COPG2: variants seen among roughly 807,000 people sequenced by gnomAD.
The protein encoded by COPG2 is coatomer subunit gamma-2.
Under a neutral mutation model 46.3 loss-of-function variants are expected in COPG2, and 37 were observed. That is an observed-to-expected ratio of 0.80 (90% CI 0.61 to 1.05). The LOEUF (loss-of-function observed/expected upper bound fraction) is 1.05, where lower values mean the gene tolerates loss of function less well. Among genes scored for constraint, COPG2 ranks in the 50% least tolerant of loss-of-function variants. COPG2 has a pLI of 0.00. For missense variants in COPG2, 427 were observed against 387.8 expected (o/e 1.10, Z -0.85); for synonymous variants, 159 against 129.7 (o/e 1.23, Z -1.53).
At chr7:130,667,138 A>G (rs1796100834) in intron 2 of COPG2, among the ~76,000 whole-genome samples, 1 of 152,214 alleles carries the variant, frequency 6.6e-6, no homozygotes, top group South Asian at 2.1e-4. Flanking sequence ...GACTACTTCA[A>G]CTTTATGGGC....
chr7:130,619,929 T>A (rs1370004752), intron 5 of COPG2, among the ~76,000 whole-genome samples: 1 of 152,218 alleles, frequency 6.6e-6, no homozygotes, highest in African/African-American at 2.4e-5. Context: ...TTTTTCTCAC[T>A]TTTAAATGAC....
intron 9 of COPG2, among the ~76,000 whole-genome samples, chr7:130,589,675 G>A (rs1268161540): frequency 6.6e-6 from 1 of 152,104 alleles, no homozygotes; most frequent in African/African-American, 2.4e-5. Flanking sequence ...GAATACCCAT[G>A]TTCTAGCCAA....
intron 5 of COPG2, among the ~76,000 whole-genome samples, chr7:130,640,727 T>G (rs368780237): frequency 6.6e-6 from 1 of 152,078 alleles, no homozygotes; most frequent in African/African-American, 2.4e-5. Context: ...GACAGAAAGG[T>G]TTCTCAACAC....
rs895156128 is a variant in COPG2 at position 130,514,763 on chromosome 7, G to A, written c.2150-6104C>T. 1.1e-3 allele frequency among the ~76,000 whole-genome samples: 160 copies of A among 152,130 alleles called. 1 individual carries two copies. Among genetic ancestry groups the A allele is most frequent in the Non-Finnish European group, 1.5e-3 (103 of 68,004 alleles). On this transcript the variant is annotated intron_variant, in intron 20 of 23. Coordinates refer to ENST00000425248, the MANE Select transcript of COPG2 (RefSeq NM_012133.6). Reference sequence around the variant, plus strand: ...ATTTGGGCCAAAAGACATGAAGAGGGGTTAAAGCTAAGGGGAGCATTAAAT... The same window carrying A: ...ATTTGGGCCAAAAGACATGAAGAGGAGTTAAAGCTAAGGGGAGCATTAAAT...
chr7:130,626,324 A>C (rs1554454265), intron 5 of COPG2, among the ~76,000 whole-genome samples: 1 of 151,890 alleles, frequency 6.6e-6, no homozygotes, highest in East Asian at 1.9e-4. Flanking sequence ...GACCAGAGAC[A>C]TGCCAGCCCC....
In COPG2 at chr7:130,506,647, G is replaced by T. The variant is rs374885618; in HGVS notation, c.*29C>A. The T allele has an allele frequency of 3.9e-6, 3 of 772,532 alleles. No homozygotes were observed. The allele number at this position is 772,532 out of a possible 1,614,324, so 47.9% of individuals were successfully genotyped here. A position where few individuals can be genotyped will look rare whatever the true frequency, so the allele number is the denominator to read the frequency against. On this transcript the variant is annotated 3_prime_UTR_variant, in exon 24 of 24. Transcript: ENST00000425248. ...TAAAAGCCCACTGACCATGTAGTGTGCATCAGTTTCCTCTTGTCCAGTAAG... is the reference window on the plus strand; with the variant it reads ...TAAAAGCCCACTGACCATGTAGTGTTCATCAGTTTCCTCTTGTCCAGTAAG...
At position 130,547,855 on chromosome 7, in the gene COPG2, C is replaced by A; in HGVS notation, c.1978-10G>T. 2.5e-6 allele frequency: 1 copy of A among 398,740 alleles called. No individual in the cohort carries two copies. The highest frequency in any genetic ancestry group is 1.3e-4 in the South Asian group (1 of 7,832). The allele number at this position is 398,740 out of a possible 1,614,324, so 24.7% of individuals were successfully genotyped here. A position where few individuals can be genotyped will look rare whatever the true frequency, so the allele number is the denominator to read the frequency against. ...TGTTGGTGCAGTCAAACTGAAAAGTCAGTAAATGGAAAAGCTGTGAAGGAT... is the reference window on the plus strand; with the variant it reads ...TGTTGGTGCAGTCAAACTGAAAAGTAAGTAAATGGAAAAGCTGTGAAGGAT... On this transcript the variant is annotated splice_polypyrimidine_tract_variant and intron_variant, in intron 19 of 23. Transcript: ENST00000425248.
chr7:130,597,375 C>T (rs1794549952), intron 9 of COPG2, among the ~76,000 whole-genome samples: 1 of 152,178 alleles, frequency 6.6e-6, no homozygotes, highest in South Asian at 2.1e-4. Flanking sequence ...GAGGACCTAA[C>T]TAAAGTTATG....
chr7:130,628,534 C>G (rs1795162380), intron 5 of COPG2, among the ~76,000 whole-genome samples: 1 of 152,110 alleles, frequency 6.6e-6, no homozygotes, highest in East Asian at 1.9e-4. Context: ...AAACACATTA[C>G]ACTACTATTT....
At chr7:130,547,982 T>C (rs1361061122) in intron 19 of COPG2, 137 bp from the exon 20 acceptor site, 2 of 397,382 alleles carry the variant, frequency 5.0e-6, no homozygotes, top group African/African-American at 4.1e-5. Flanking sequence ...AGATTCTTCT[T>C]TTGGCAACAG....
chr7:130,653,766 C>T (rs1331990029), intron 4 of COPG2, among the ~76,000 whole-genome samples: 1 of 151,964 alleles, frequency 6.6e-6, no homozygotes, highest in Non-Finnish European at 1.5e-5. Context: ...GCTCCAGAGT[C>T]CAAGCTATGG....
intron 13 of COPG2, 121 bp downstream of exon 13, chr7:130,554,916 T>C (rs1291493511): frequency 1.3e-5 from 5 of 397,526 alleles, no homozygotes; most frequent in Non-Finnish European, 2.2e-5. Context: ...TAACCAGACT[T>C]AGTGTACTAC....
At chr7:130,549,838 T>C (rs972352919) in intron 17 of COPG2, among the ~76,000 whole-genome samples, 220 of 152,332 alleles carry the variant, frequency 1.4e-3, no homozygotes, top group African/African-American at 4.9e-3. Context: ...TTTGGGAATA[T>C]TTTTTATGAT....
Position 130,610,962 on chromosome 7 carries a change from G to T in COPG2, c.728C>A (p.Thr243Asn), listed in dbSNP as rs1554451974. 1.2e-6 allele frequency: 2 copies of T among 1,613,924 alleles called. No individual in the cohort carries two copies. Among genetic ancestry groups the T allele is most frequent in the South Asian group, 2.2e-5 (2 of 91,086 alleles). Residue 243 changes from threonine (T) to asparagine (N), a missense_variant, in exon 9 of 24, where the codon ACT becomes AAT. Transcript: ENST00000425248. ...AGGTGAAGACACTTACCCATCCTCA[G>T]TTTCTTTTAGTAAGCGACTGGCAAT... ...IRIASRLLKE[T>N]EDGHESPLFD...
intron 12 of COPG2, among the ~76,000 whole-genome samples, chr7:130,560,105 A>G (rs1158136797): frequency 6.6e-6 from 1 of 152,192 alleles, no homozygotes; most frequent in East Asian, 1.9e-4. Context: ...TTATTTATAT[A>G]GATAATCTCA....
Position 130,611,285 on chromosome 7 carries a change from G to A in COPG2, c.580-175C>T, listed in dbSNP as rs567660448. ...ACAGGCAAGACTGAAAAGATTAAACGTTTCTAATTTACCCCTAGAAGCTGT... is the reference window on the plus strand; with the variant it reads ...ACAGGCAAGACTGAAAAGATTAAACATTTCTAATTTACCCCTAGAAGCTGT... On this transcript the variant is annotated intron_variant, in intron 8 of 23. Transcript: ENST00000425248. Among the ~76,000 whole-genome samples the A allele has an allele frequency of 7.2e-5, 11 of 152,210 alleles. No individual in the cohort carries two copies. In the South Asian group the frequency reaches 1.2e-3, roughly 17 times the overall value.
chr7:130,528,701 G>A (rs925149913), intron 20 of COPG2, among the ~76,000 whole-genome samples: 31 of 151,264 alleles, frequency 2.0e-4, no homozygotes, highest in Non-Finnish European at 4.0e-4. Context: ...ACATGGGAGA[G>A]GAGGACAGAG....
chr7:130,625,865 A>C (rs978331289), intron 5 of COPG2, among the ~76,000 whole-genome samples: 1 of 152,166 alleles, frequency 6.6e-6, no homozygotes, highest in Non-Finnish European at 1.5e-5. Context: ...TTTTGAGCTA[A>C]GAATTTAATT....
intron 21 of COPG2, 112 bp from the exon 22 acceptor site, chr7:130,507,935 T>C: frequency 7.4e-6 from 5 of 679,094 alleles, no homozygotes; most frequent in Non-Finnish European, 5.3e-6. Context: ...ACCACCAAAA[T>C]AGTTTAAGTT....
Sources: allele counts gnomAD v4.1 joint callset (sites outside exome capture counted in the v4.1 genomes callset), GRCh38; gene constraint gnomAD v4.1.1; transcripts MANE v1.5; gene names NCBI Gene and HGNC (gene_info 2026-07-23, HGNC 2026-07-21).